LRRTM4: variants seen among roughly 807,000 people sequenced by gnomAD.
LRRTM4 encodes the protein leucine-rich repeat transmembrane neuronal protein 4.
Under a neutral mutation model 47.6 loss-of-function variants are expected in LRRTM4, and 25 were observed. The ratio of observed to expected loss-of-function variants is 0.53; its 90% CI spans 0.38 to 0.73. The LOEUF (loss-of-function observed/expected upper bound fraction) is 0.73. Among genes scored for constraint, LRRTM4 ranks in the 30% least tolerant of loss-of-function variants. The pLI is 0.00. For synonymous variants in LRRTM4, 311 were observed against 269.5 expected (o/e 1.15, Z -1.51); for missense variants, 638 against 713.4 (o/e 0.89, Z 1.20).
intron 3 of LRRTM4, among the ~76,000 whole-genome samples, chr2:77,483,877 C>T (rs966178950): frequency 3.3e-5 from 5 of 152,270 alleles, no homozygotes; most frequent in Admixed American, 6.5e-5. Context: ...ATAATAATAG[C>T]TTGAATTTAT....
At chr2:76,974,820 T>C (rs982746950) in intron 3 of LRRTM4, among the ~76,000 whole-genome samples, 2 of 151,806 alleles carry the variant, frequency 1.3e-5, no homozygotes, top group Non-Finnish European at 2.9e-5. Context: ...ACAGTTTTTG[T>C]CTTTTCAAAC....
At chr2:76,911,543 G>C (rs1370143338) in intron 3 of LRRTM4, among the ~76,000 whole-genome samples, 1 of 152,022 alleles carries the variant, frequency 6.6e-6, no homozygotes, top group East Asian at 1.9e-4. Flanking sequence ...AATGGCAGTG[G>C]GATATGAATT....
At chr2:77,059,108 T>C (rs1044726569) in intron 3 of LRRTM4, among the ~76,000 whole-genome samples, 1 of 152,190 alleles carries the variant, frequency 6.6e-6, no homozygotes, top group Non-Finnish European at 1.5e-5. Flanking sequence ...CTGCTAAACT[T>C]GGCAATGGTT....
chr2:77,316,335 G>A (rs1677617155), intron 3 of LRRTM4, among the ~76,000 whole-genome samples: 1 of 152,136 alleles, frequency 6.6e-6, no homozygotes, highest in South Asian at 2.1e-4. Flanking sequence ...GATTAAATAG[G>A]CAATTATGAA....
intron 3 of LRRTM4, among the ~76,000 whole-genome samples, chr2:77,012,685 T>C (rs1356734477): frequency 6.6e-6 from 1 of 152,162 alleles, no homozygotes; most frequent in African/African-American, 2.4e-5. Context: ...CCCAGAAGCA[T>C]GAATTGAGTG....
intron 3 of LRRTM4, among the ~76,000 whole-genome samples, chr2:76,911,962 C>T: frequency 7.0e-6 from 1 of 143,554 alleles, no homozygotes; most frequent in East Asian, 2.0e-4. Context: ...CAGAGTCTCG[C>T]TCTGTCGCCC....
At chr2:76,962,413 T>C (rs1216800744) in intron 3 of LRRTM4, among the ~76,000 whole-genome samples, 1 of 151,014 alleles carries the variant, frequency 6.6e-6, no homozygotes, top group African/African-American at 2.4e-5. Flanking sequence ...TTTTTGTTGT[T>C]TGCATAACAA....
chr2:77,363,141 A>G (rs1279408550), intron 3 of LRRTM4, among the ~76,000 whole-genome samples: 1 of 152,206 alleles, frequency 6.6e-6, no homozygotes, highest in African/African-American at 2.4e-5. Context: ...ATTCTTAACT[A>G]CAGTGTTATT....
intron 3 of LRRTM4, among the ~76,000 whole-genome samples, chr2:77,088,220 T>A (rs1007297091): frequency 9.9e-5 from 15 of 152,172 alleles, no homozygotes; most frequent in African/African-American, 3.1e-4. Flanking sequence ...AGGTGGCACA[T>A]AAATGGGTAT....
intron 3 of LRRTM4, among the ~76,000 whole-genome samples, chr2:76,923,890 C>T (rs78269767): frequency 0.013 from 2,025 of 152,088 alleles, 45 homozygotes; most frequent in African/African-American, 0.047. Flanking sequence ...TATCTTATTG[C>T]CTTTTTTTAC....
At chr2:77,494,172 G>T (rs573135964) in intron 3 of LRRTM4, among the ~76,000 whole-genome samples, 3 of 152,164 alleles carry the variant, frequency 2.0e-5, no homozygotes, top group African/African-American at 7.2e-5. Flanking sequence ...AAAATCAATT[G>T]CTGTTCTTGT....
intron 3 of LRRTM4, among the ~76,000 whole-genome samples, chr2:76,928,863 TTAATA>T (rs1674673122): frequency 6.6e-6 from 1 of 152,174 alleles, no homozygotes; most frequent in Non-Finnish European, 1.5e-5. Flanking sequence ...GTAGTCAACT[TTAATA>T]TAAAATCATA....
chr2:77,296,525 T>C (rs1035690740), intron 3 of LRRTM4, among the ~76,000 whole-genome samples: 7 of 152,168 alleles, frequency 4.6e-5, no homozygotes, highest in Non-Finnish European at 1.0e-4. Flanking sequence ...AATTTATGAA[T>C]TAAATTCAGA....
chr2:77,425,635 T>C (rs1313708643), intron 3 of LRRTM4, among the ~76,000 whole-genome samples: 2 of 152,208 alleles, frequency 1.3e-5, no homozygotes, highest in Non-Finnish European at 2.9e-5. Context: ...TATAAGTGGA[T>C]AAACAAGAAG....
chr2:76,952,860 G>A (rs1675541566), intron 3 of LRRTM4, among the ~76,000 whole-genome samples: 1 of 151,858 alleles, frequency 6.6e-6, no homozygotes. Context: ...GTCATAAAAA[G>A]AATGATATCA....
At chr2:76,856,208 C>T (rs1248887159) in intron 3 of LRRTM4, among the ~76,000 whole-genome samples, 9 of 151,888 alleles carry the variant, frequency 5.9e-5, no homozygotes, top group Non-Finnish European at 8.8e-5. Flanking sequence ...ACCCAGGAGG[C>T]AGAGGTTGCA....
At position 77,170,387 on chromosome 2, in the gene LRRTM4, C is replaced by G. The variant is rs374152109; in HGVS notation, c.1551+347931G>C. On this transcript the variant is annotated intron_variant, in intron 3 of 3. Coordinates refer to ENST00000409884, the MANE Select transcript of LRRTM4 (RefSeq NM_001134745.3). Reference sequence around the variant, plus strand: ...GAAAATGCAGATCTAAATCCTACAACCATAAGGAACTAGATTCTGCCAGTA... The same window carrying G: ...GAAAATGCAGATCTAAATCCTACAAGCATAAGGAACTAGATTCTGCCAGTA... Among the ~76,000 whole-genome samples, 32 of 152,208 alleles carry G rather than the reference C, an allele frequency of 2.1e-4. No homozygotes were observed. The East Asian group carries it at 5.2e-3, about 25-fold the overall frequency.
intron 3 of LRRTM4, among the ~76,000 whole-genome samples, chr2:77,511,971 C>T (rs984321517): frequency 6.6e-6 from 1 of 152,018 alleles, no homozygotes; most frequent in Non-Finnish European, 1.5e-5. Flanking sequence ...GTTTAAGAGA[C>T]AGCGTCTTAG....
At chr2:77,431,189 T>A (rs1204405040) in intron 3 of LRRTM4, among the ~76,000 whole-genome samples, 1 of 149,142 alleles carries the variant, frequency 6.7e-6, no homozygotes, top group Non-Finnish European at 1.5e-5. Context: ...TCTATCTCTA[T>A]CTATGCATGC....
Sources: allele counts gnomAD v4.1 joint callset (sites outside exome capture counted in the v4.1 genomes callset), GRCh38; gene constraint gnomAD v4.1.1; transcripts MANE v1.5; gene names NCBI Gene and HGNC (gene_info 2026-07-23, HGNC 2026-07-21).